Variants in TSPAN9 observed in about 807,000 individuals in gnomAD.
TSPAN9 encodes the protein tetraspanin-9.
A neutral mutation model predicts 31.0 loss-of-function variants in TSPAN9; 16 were observed. That is an observed-to-expected ratio of 0.52 (90% CI 0.35 to 0.78). The LOEUF is 0.78. Ranked by LOEUF, TSPAN9 falls within the 30% of genes least tolerant of loss-of-function variation. TSPAN9 has a pLI of 0.01. For missense variants in TSPAN9, 272 were observed against 312.5 expected (o/e 0.87, Z 0.98); for synonymous variants, 145 against 121.6 (o/e 1.19, Z -1.27).
At chr12:3,269,728 G>A (rs984775946) in intron 3 of TSPAN9, among the ~76,000 whole-genome samples, 3 of 152,222 alleles carry the variant, frequency 2.0e-5, no homozygotes, top group African/African-American at 4.8e-5. Context: ...GGAGCTGCAC[G>A]GGCTGGTAGG....
chr12:3,280,236 A>C lies in TSPAN9; in HGVS notation c.331-146A>C, dbSNP rs1032619297. On this transcript the variant is annotated intron_variant, in intron 5 of 8. Transcript: ENST00000011898. This position sits in a 1 kb window ranked among gnomAD's most constrained non-coding sequence, Gnocchi z 4.5. The stretch of plus-strand genomic sequence containing the variant: ...TTGGGCCAGCAGAGGCCCCCACCCC[A>C]GTGGGCAGGGCCTTCCAGACCAGCT... 5 of 683,326 alleles carry C rather than the reference A, an allele frequency of 7.3e-6. No individual in the cohort carries two copies. The highest frequency in any genetic ancestry group is 2.5e-5 in the Admixed American group (1 of 40,694). The allele number at this position is 683,326 out of a possible 1,614,324, so 42.3% of individuals were successfully genotyped here.
chr12:3,190,719 C>T (rs2098363929), intron 2 of TSPAN9, among the ~76,000 whole-genome samples: 1 of 152,334 alleles, frequency 6.6e-6, no homozygotes, highest in East Asian at 1.9e-4. Flanking sequence ...AGATGCCTGT[C>T]CTGCAGGAGT....
intron 3 of TSPAN9, among the ~76,000 whole-genome samples, chr12:3,206,635 C>A (rs1433533642): frequency 6.6e-6 from 1 of 151,604 alleles, no homozygotes; most frequent in Non-Finnish European, 1.5e-5. Flanking sequence ...ATCAGCGAAT[C>A]CTGTGGCCTT....
chr12:3,118,658 C>T (rs892120708), intron 2 of TSPAN9, among the ~76,000 whole-genome samples: 30 of 151,904 alleles, frequency 2.0e-4, no homozygotes, highest in Admixed American at 6.5e-5. Flanking sequence ...AGCCCCACTG[C>T]ACCTGCAGCC....
chr12:3,085,437 G>A (rs76640570), intron 2 of TSPAN9, among the ~76,000 whole-genome samples: 3,217 of 151,768 alleles, frequency 0.021, 96 homozygotes, highest in African/African-American at 0.072. Flanking sequence ...GTGCATCTGC[G>A]TTGAAACCCA....
chr12:3,088,398 T>C (rs997070664), intron 2 of TSPAN9, among the ~76,000 whole-genome samples: 11 of 150,142 alleles, frequency 7.3e-5, no homozygotes, highest in Non-Finnish European at 1.6e-4. Flanking sequence ...CACTCCAAAT[T>C]AGCAGCCATT....
intron 2 of TSPAN9, among the ~76,000 whole-genome samples, chr12:3,094,178 C>T (rs1468770959): frequency 6.6e-6 from 1 of 152,314 alleles, no homozygotes. Context: ...GGAGTCTTCT[C>T]TTAAAATGCC....
At chr12:3,231,717 G>A (rs544061900) in intron 3 of TSPAN9, among the ~76,000 whole-genome samples, 7 of 152,386 alleles carry the variant, frequency 4.6e-5, no homozygotes, top group Admixed American at 2.0e-4. Context: ...GGCGGGCGGC[G>A]CCTTCAGATG....
chr12:3,078,981 CTTTT>C (rs10716001), intron 1 of TSPAN9, among the ~76,000 whole-genome samples: 10 of 129,332 alleles, frequency 7.7e-5, no homozygotes, highest in Non-Finnish European at 9.9e-5. Flanking sequence ...AAATTTGTTA[CTTTT>C]TTTTTTTTTT....
intron 2 of TSPAN9, among the ~76,000 whole-genome samples, chr12:3,105,006 G>C (rs539396959): frequency 1.3e-5 from 2 of 152,342 alleles, no homozygotes; most frequent in African/African-American, 4.8e-5. Context: ...TGGGAGAGGG[G>C]TGAGGGCAGG....
chr12:3,215,957 G>A (rs530470826), intron 3 of TSPAN9, among the ~76,000 whole-genome samples: 2 of 152,292 alleles, frequency 1.3e-5, no homozygotes, highest in South Asian at 2.1e-4. Flanking sequence ...GGGGACTTAC[G>A]GGGATGAGCA....
chr12:3,133,254 C>T (rs1372538047), intron 2 of TSPAN9, among the ~76,000 whole-genome samples: 1 of 152,234 alleles, frequency 6.6e-6, no homozygotes, highest in Non-Finnish European at 1.5e-5. Flanking sequence ...TCTCCTCCCA[C>T]TTCAGGGCTC....
chr12:3,161,635 G>T (rs2098345274), intron 2 of TSPAN9, among the ~76,000 whole-genome samples: 1 of 152,188 alleles, frequency 6.6e-6, no homozygotes, highest in Non-Finnish European at 1.5e-5. Flanking sequence ...GCACCAGTGA[G>T]CAGCTCCCCA....
At chr12:3,259,809 TGAGCAAAAACCACTG>T (rs1384361001) in intron 3 of TSPAN9, among the ~76,000 whole-genome samples, 1 of 152,170 alleles carries the variant, frequency 6.6e-6, no homozygotes, top group Non-Finnish European at 1.5e-5. Flanking sequence ...GTTCCACATG[TGAGCAAAAACCACTG>T]GAGAAATTTG....
Position 3,168,133 on chromosome 12 carries a change from C to T in TSPAN9, c.-17-33044C>T, listed in dbSNP as rs1318338972. ...CCCAGGCCGGGGGAGACCACACCAC[C>T]GTTCCACCGTTTAGCTCAGTGCCCT... is the stretch of plus-strand genomic sequence containing the variant. On this transcript the variant is annotated intron_variant, in intron 2 of 8. Transcript: ENST00000011898. The surrounding 1 kb of genome is among the most constrained non-coding windows in gnomAD (Gnocchi z 4.0). Among the ~76,000 whole-genome samples, 1 of 152,182 alleles carries T rather than the reference C, an allele frequency of 6.6e-6. No homozygotes were observed. The highest frequency in any genetic ancestry group is 2.4e-5 in the African/African-American group (1 of 41,434).
At chr12:3,238,807 G>T (rs1471941494) in intron 3 of TSPAN9, among the ~76,000 whole-genome samples, 1 of 152,244 alleles carries the variant, frequency 6.6e-6, no homozygotes, top group Non-Finnish European at 1.5e-5. Flanking sequence ...CTTGGCGTCT[G>T]TTGAACTGGG....
In TSPAN9 at chr12:3,107,333, C is replaced by G. The variant is rs2098315219; in HGVS notation, c.-18+23614C>G. On this transcript the variant is annotated intron_variant, in intron 2 of 8. Coordinates refer to ENST00000011898, the MANE Select transcript of TSPAN9 (RefSeq NM_006675.5). The surrounding 1 kb of genome is among the most constrained non-coding windows in gnomAD (Gnocchi z 4.1). Reference sequence around the variant, plus strand: ...GAAAATCTGCGTGAAAACCTGAGGTCTGCCAGGCGGCACTGCAGGGGGCGG... The same window carrying G: ...GAAAATCTGCGTGAAAACCTGAGGTGTGCCAGGCGGCACTGCAGGGGGCGG... Among the ~76,000 whole-genome samples, 1 of 152,220 alleles carries G rather than the reference C, an allele frequency of 6.6e-6. No individual in the cohort carries two copies. Among genetic ancestry groups the G allele is most frequent in the Admixed American group, 6.5e-5 (1 of 15,282 alleles).
chr12:3,208,269 G>C (rs2098376354), intron 3 of TSPAN9, among the ~76,000 whole-genome samples: 1 of 152,190 alleles, frequency 6.6e-6, no homozygotes, highest in Non-Finnish European at 1.5e-5. Flanking sequence ...GGATTGCTCT[G>C]AATGTCTTCG....
chr12:3,211,130 G>A (rs1044236036), intron 3 of TSPAN9, among the ~76,000 whole-genome samples: 15 of 105,220 alleles, frequency 1.4e-4, no homozygotes, highest in African/African-American at 4.0e-4. Context: ...GTAAGTGACT[G>A]AAGATGAGTT....
Sources: allele counts gnomAD v4.1 joint callset (sites outside exome capture counted in the v4.1 genomes callset), GRCh38; gene constraint gnomAD v4.1.1; non-coding constraint Gnocchi (gnomAD v3.1); transcripts MANE v1.5; gene names NCBI Gene and HGNC (gene_info 2026-07-23, HGNC 2026-07-21).